WDPCP: variants seen among roughly 807,000 people sequenced by gnomAD.
WDPCP encodes the protein WD repeat-containing and planar cell polarity effector protein fritz homolog.
Under a neutral mutation model 93.1 loss-of-function variants are expected in WDPCP, and 71 were observed. The observed-to-expected ratio is 0.76, with a 90% CI of 0.63 to 0.93. WDPCP has a LOEUF of 0.93. WDPCP is among the 40% of genes least tolerant of loss of function. WDPCP has a pLI of 0.00. For synonymous variants in WDPCP, 315 were observed against 315.0 expected (o/e 1.00, Z 0.00); for missense variants, 844 against 887.4 (o/e 0.95, Z 0.62).
chr2:63,329,446 T>C lies in WDPCP; in HGVS notation c.1749-16135A>G, dbSNP rs192304123. Among the ~76,000 whole-genome samples the C allele has an allele frequency of 2.6e-5, 4 of 152,324 alleles. No homozygotes were observed. In the East Asian group the frequency reaches 7.7e-4, roughly 29 times the overall value. ...TGCTTTTATTGATTATACTGCAATATAAGTGAAAGATACAGATGATATTAA... is the reference window on the plus strand; with the variant it reads ...TGCTTTTATTGATTATACTGCAATACAAGTGAAAGATACAGATGATATTAA... On this transcript the variant is annotated intron_variant, in intron 12 of 17. Coordinates refer to ENST00000272321, the MANE Select transcript of WDPCP (RefSeq NM_015910.7).
At chr2:63,704,451 C>CTT (rs939065686) in intron 2 of WDPCP, among the ~76,000 whole-genome samples, 7 of 151,968 alleles carry the variant, frequency 4.6e-5, no homozygotes, top group Admixed American at 2.0e-4. Flanking sequence ...ATAGATAGCT[C>CTT]ATTTTTTTGA....
chr2:63,698,532 T>C (rs966022440), intron 2 of WDPCP, among the ~76,000 whole-genome samples: 2 of 152,308 alleles, frequency 1.3e-5, no homozygotes, highest in East Asian at 3.9e-4. Context: ...AATCCCTCTG[T>C]TGGCACAGAC....
chr2:63,355,704 A>AC (rs1465431058), intron 12 of WDPCP, among the ~76,000 whole-genome samples: 16 of 151,954 alleles, frequency 1.1e-4, no homozygotes, highest in East Asian at 3.9e-4. Context: ...ACATGGTGAG[A>AC]CCCCCCAACC....
chr2:63,456,407 T>A (rs567904280), intron 6 of WDPCP, among the ~76,000 whole-genome samples: 1 of 150,636 alleles, frequency 6.6e-6, no homozygotes, highest in African/African-American at 2.4e-5. Flanking sequence ...ACAGAGTGAG[T>A]GAGATTCTGT....
intron 12 of WDPCP, chr2:63,369,385 A>G (rs902455720): frequency 2.2e-6 from 1 of 456,532 alleles, no homozygotes; most frequent in African/African-American, 2.0e-5. Flanking sequence ...AACTGTCTTG[A>G]TCAGGAGTAT....
At chr2:63,750,361 C>T (rs1669862370) in intron 2 of WDPCP, among the ~76,000 whole-genome samples, 1 of 152,034 alleles carries the variant, frequency 6.6e-6, no homozygotes, top group Non-Finnish European at 1.5e-5. Flanking sequence ...CCTATCTAAA[C>T]TCAAGTTTTC....
rs563575603 is a variant in WDPCP, at chr2:63,424,026, C to T, written c.825+9719G>A. 1.1e-4 allele frequency among the ~76,000 whole-genome samples: 17 copies of T among 152,214 alleles called. No individual in the cohort carries two copies. The South Asian group carries it at 3.5e-3, about 32-fold the overall frequency. On this transcript the variant is annotated intron_variant, in intron 9 of 17. Transcript: ENST00000272321. ...AAGAAACTAGGAACCCTGCATAGGA[C>T]TGCTGAGCACCAGGACAGCAATCCT...
At chr2:63,650,468 T>G (rs1710096823) in intron 3 of WDPCP, among the ~76,000 whole-genome samples, 1 of 152,200 alleles carries the variant, frequency 6.6e-6, no homozygotes, top group African/African-American at 2.4e-5. Context: ...CCAGTGACTT[T>G]AGTACTGGAG....
chr2:63,395,179 A>G (rs1048374390), intron 10 of WDPCP, among the ~76,000 whole-genome samples: 1 of 152,226 alleles, frequency 6.6e-6, no homozygotes, highest in African/African-American at 2.4e-5. Context: ...TACCTTCTAC[A>G]TGATCCCATT....
chr2:63,708,528 C>T (rs1575753874), intron 2 of WDPCP, among the ~76,000 whole-genome samples: 1 of 152,296 alleles, frequency 6.6e-6, no homozygotes, highest in East Asian at 1.9e-4. Context: ...CGTCTGTCAC[C>T]CCTTTCTTTG....
intron 6 of WDPCP, among the ~76,000 whole-genome samples, chr2:63,482,836 T>C (rs1700348812): frequency 6.6e-6 from 1 of 151,844 alleles, no homozygotes; most frequent in South Asian, 2.1e-4. Context: ...GCACAGAATA[T>C]AACAGAACAA....
intron 13 of WDPCP, among the ~76,000 whole-genome samples, chr2:63,311,203 T>C (rs1026948214): frequency 2.0e-5 from 3 of 152,208 alleles, no homozygotes; most frequent in Non-Finnish European, 4.4e-5. Flanking sequence ...TTATTTTTAG[T>C]CTTTTAGCAA....
intron 9 of WDPCP, among the ~76,000 whole-genome samples, chr2:63,411,645 G>A (rs1304547483): frequency 6.6e-6 from 1 of 151,990 alleles, no homozygotes; most frequent in African/African-American, 2.4e-5. Flanking sequence ...GATTAACCAA[G>A]AAAAGAAGAG....
At chr2:63,606,484 A>C (rs1709530930) in intron 3 of WDPCP, among the ~76,000 whole-genome samples, 1 of 152,210 alleles carries the variant, frequency 6.6e-6, no homozygotes, top group Non-Finnish European at 1.5e-5. Flanking sequence ...AGGTCATTGA[A>C]AGTTTTTATG....
Position 63,457,477 on chromosome 2 carries a change from C to T in WDPCP, c.385-17606G>A, listed in dbSNP as rs931211182. Among the ~76,000 whole-genome samples the T allele has an allele frequency of 8.5e-5, 13 of 152,048 alleles. No individual in the cohort carries two copies. The South Asian group carries it at 1.5e-3, about 17-fold the overall frequency. ...TATGAGTCCAGCATTACCATGATAC[C>T]GAAACCAGACAAGGATACAACAAAA... On this transcript the variant is annotated intron_variant, in intron 6 of 17. Coordinates refer to ENST00000272321, the MANE Select transcript of WDPCP (RefSeq NM_015910.7).
At chr2:63,551,050 T>C (rs1705596973) in intron 1 of WDPCP, among the ~76,000 whole-genome samples, 1 of 152,142 alleles carries the variant, frequency 6.6e-6, no homozygotes, top group Admixed American at 6.6e-5. Context: ...AGTCAACCAC[T>C]ACCCACTAAA....
intron 15 of WDPCP, among the ~76,000 whole-genome samples, chr2:63,171,142 G>T (rs1673358862): frequency 6.6e-6 from 1 of 152,036 alleles, no homozygotes; most frequent in African/African-American, 2.4e-5. Context: ...CACATTTTCA[G>T]ATTAGAAAGA....
intron 13 of WDPCP, among the ~76,000 whole-genome samples, chr2:63,304,449 G>T (rs1685564616): frequency 6.6e-6 from 1 of 152,198 alleles, no homozygotes; most frequent in Non-Finnish European, 1.5e-5. Flanking sequence ...GAAGCAGGGT[G>T]GGGCATCGCC....
intron 17 of WDPCP, among the ~76,000 whole-genome samples, chr2:63,122,753 G>T (rs1371659956): frequency 6.6e-6 from 1 of 152,022 alleles, no homozygotes; most frequent in Non-Finnish European, 1.5e-5. Flanking sequence ...ACTTAGAGTT[G>T]AAATGGTAAA....
Sources: gnomAD v4.1 joint callset for allele counts (sites outside exome capture counted in the v4.1 genomes callset) on GRCh38, gnomAD v4.1.1 for gene constraint, MANE v1.5 for transcripts, NCBI Gene and HGNC (gene_info 2026-07-23, HGNC 2026-07-21) for gene names.